Variants in INTS1 observed in about 807,000 individuals in gnomAD.
INTS1 encodes integrator complex subunit 1.
INTS1 carries 137 observed loss-of-function variants against 241.6 expected under a neutral mutation model. The ratio of observed to expected loss-of-function variants is 0.57; its 90% confidence interval spans 0.49 to 0.65. The LOEUF is 0.65. Ranked by LOEUF, INTS1 falls within the 30% of genes least tolerant of loss-of-function variation. The pLI is 0.00. For missense variants in INTS1, 3,073 were observed against 3,032.2 expected, an observed-to-expected ratio of 1.01 and a Z score of -0.32; for synonymous variants, 1,692 against 1,337.8, an observed-to-expected ratio of 1.26 and a Z score of -5.78.
chr7:1,487,558 G>C, intron 19 of INTS1, 109 bp from the exon 20 acceptor site: 1 of 1,416,582 alleles, frequency 7.1e-7, no homozygotes, highest in South Asian at 1.4e-5. Flanking sequence ...CCCGAGACGG[G>C]CAACCCATCC....
At position 1,502,973 on chromosome 7, in the gene INTS1, C is replaced by T. The variant is rs1271580033; in HGVS notation, c.277G>A (p.Ala93Thr). Reference protein sequence around the residue: ...TPPLSALGRLAEAAVAEKRAI... With the variant: ...TPPLSALGRLTEAAVAEKRAI... ...CGTTTTTCTGCCACTGCAGCCTCAGCCAGGCGCCCCAGGGCACTCAGAGGG... is the reference window on the plus strand; with the variant it reads ...CGTTTTTCTGCCACTGCAGCCTCAGTCAGGCGCCCCAGGGCACTCAGAGGG... The change falls in exon 3 of 48, where the codon GCT (alanine) becomes ACT (threonine). Residue 93 changes from alanine to threonine, a missense_variant. Transcript: ENST00000404767. 1 of 1,613,778 alleles carries T rather than the reference C, an allele frequency of 6.2e-7. No homozygotes were observed.
At chr7:1,478,574 A>G in intron 32 of INTS1, 68 bp from the exon 33 acceptor site, 5 of 1,558,504 alleles carry the variant, frequency 3.2e-6, no homozygotes, top group Non-Finnish European at 4.4e-6. Context: ...CCATCCAGGG[A>G]GGCCCCACGG....
rs60791229 is a variant in INTS1, at chr7:1,471,648, CAG to C, written c.6185-9_6185-8del. The C allele has an allele frequency of 1.2e-6, 2 of 1,612,104 alleles. No individual in the cohort carries two copies. Among genetic ancestry groups the C allele is most frequent in the East Asian group, 2.2e-5 (1 of 44,868 alleles). On this transcript the variant is annotated splice_region_variant and splice_polypyrimidine_tract_variant and intron_variant, in intron 44 of 47. Coordinates refer to ENST00000404767, the MANE Select transcript of INTS1 (RefSeq NM_001080453.3). ...CTCAGAACCTCCAGCAGATCTGACA[CAG>C]AGAGAGGGCCAGACCAGAACTGAAG...
intron 14 of INTS1, among the ~76,000 whole-genome samples, chr7:1,494,256 C>T (rs547183198): frequency 2.0e-4 from 30 of 152,344 alleles, no homozygotes; most frequent in African/African-American, 7.2e-4. Context: ...GGCCAGGAGA[C>T]AGAGATAACC....
Position 1,493,939 on chromosome 7 carries a change from T to G in INTS1, c.1911-28A>C, listed in dbSNP as rs976603722. 1 of 1,543,976 alleles carries G rather than the reference T, an allele frequency of 6.5e-7. No homozygotes were observed. Among genetic ancestry groups the G allele is most frequent in the Non-Finnish European group, 8.8e-7 (1 of 1,142,256 alleles). ...GCGGGGTGGGGGAGGCATGACTCGG[T>G]GTGGGCTGCCCACACCTGCCAGACC... is the stretch of plus-strand genomic sequence containing the variant. On this transcript the variant is annotated intron_variant, in intron 14 of 47. Transcript: ENST00000404767. This position sits in a 1 kb window ranked among gnomAD's most constrained non-coding sequence, Gnocchi z 5.3.
Position 1,498,485 on chromosome 7 carries a change from G to A in INTS1, c.1352C>T (p.Ser451Phe). Residue 451 changes from serine to phenylalanine, a missense_variant, in exon 10 of 48, where the codon TCC becomes TTC. Physicochemically the swap from Ser to Phe is radical, Grantham distance 155. Transcript: ENST00000404767. ...CATGTTGTTCGGGTTCCGGGCGCTG[G>A]AGAGCTCATTGAAGATCACCAACTT... is the stretch of plus-strand genomic sequence containing the variant. ...TIKLVIFNEL[S>F]SARNPNNMQV... The A allele has an allele frequency of 1.2e-6, 2 of 1,613,954 alleles. No individual in the cohort carries two copies. Among genetic ancestry groups the A allele is most frequent in the Non-Finnish European group, 1.7e-6 (2 of 1,179,882 alleles).
intron 42 of INTS1, 102 bp downstream of exon 42, chr7:1,473,464 G>A (rs1303844308): frequency 7.2e-6 from 10 of 1,387,570 alleles, no homozygotes; most frequent in African/African-American, 7.1e-5. Flanking sequence ...GGCCTCAGGA[G>A]CAGCATATCT....
Position 1,479,506 on chromosome 7 carries a change from C to T in INTS1, c.4253G>A (p.Gly1418Asp), listed in dbSNP as rs1415588701. The T allele has an allele frequency of 5.1e-6, 8 of 1,571,240 alleles. No individual in the cohort carries two copies. Among genetic ancestry groups the T allele is most frequent in the Non-Finnish European group, 6.9e-6 (8 of 1,159,556 alleles). ...GTGCATGGACATCACCAGGGCACCGCCGTGTGGGGAGCTGAGCAGGGTGGC... is the reference window on the plus strand; with the variant it reads ...GTGCATGGACATCACCAGGGCACCGTCGTGTGGGGAGCTGAGCAGGGTGGC... ...ALATLLSSPH[G>D]GALVMSMHRS... Residue 1418 changes from glycine (G) to aspartate (D), a missense_variant, in exon 31 of 48, where the codon GGC becomes GAC. By Grantham distance (94) the Gly-to-Asp change is moderately conservative (BLOSUM62 -1). Transcript: ENST00000404767.
At chr7:1,480,195 T>C in intron 30 of INTS1, 122 bp downstream of exon 30, 2 of 1,151,680 alleles carry the variant, frequency 1.7e-6, no homozygotes, top group Non-Finnish European at 1.2e-6. Context: ...GCTGTGCGTG[T>C]GCAGCGTGCC....
In INTS1 at chr7:1,494,455, G is replaced by T. The variant is rs1782746281; in HGVS notation, c.1910+361C>A. The T allele has an allele frequency of 1.1e-5, 4 of 356,366 alleles. No individual in the cohort carries two copies. The East Asian group carries it at 2.5e-4, about 22-fold the overall frequency. 22.1% of individuals were successfully genotyped at this position (356,366 alleles called of 1,614,324 possible). ...GCTGTGAGGCCAGCCGGCTGGGGAA[G>T]GACAGTGTGCGGCTGTCTGGACAGA... On this transcript the variant is annotated intron_variant, in intron 14 of 47. Coordinates refer to ENST00000404767, the MANE Select transcript of INTS1 (RefSeq NM_001080453.3).
At chr7:1,485,607 G>A (rs919821728) in intron 22 of INTS1, 138 bp from the exon 23 acceptor site, 1 of 857,268 alleles carries the variant, frequency 1.2e-6, no homozygotes, top group African/African-American at 1.7e-5. Flanking sequence ...GAGGCCGCAG[G>A]TAAAAGGGAA....
At chr7:1,504,301 G>C (rs1368313518) in intron 1 of INTS1, 22 bp downstream of exon 1, 1 of 543,730 alleles carries the variant, frequency 1.8e-6, no homozygotes, top group East Asian at 4.9e-5. Flanking sequence ...ATGAGGAAGC[G>C]CCCAGGCCGC....
At chr7:1,472,000 C>G (rs936714797) in intron 44 of INTS1, among the ~76,000 whole-genome samples, 2 of 152,216 alleles carry the variant, frequency 1.3e-5, no homozygotes, top group East Asian at 3.9e-4. Flanking sequence ...ACCCGCCTGA[C>G]CTCTTCCTGC....
In INTS1 at chr7:1,476,772, T is replaced by G. The variant is rs200367907; in HGVS notation, c.5063+22A>C. 22 of 1,612,508 alleles carry G rather than the reference T, an allele frequency of 1.4e-5. No individual in the cohort carries two copies. In the Admixed American group the frequency reaches 3.3e-4, roughly 24 times the overall value. ...AAGGCCAGTATGCGCGCAGCCCAGG[T>G]TGGGGACAGGGAGGCGCCCACCTCT... On this transcript the variant is annotated intron_variant, in intron 36 of 47. Transcript: ENST00000404767.
At chr7:1,484,309 G>A in intron 24 of INTS1, 139 bp from the exon 25 acceptor site, 1 of 883,132 alleles carries the variant, frequency 1.1e-6, no homozygotes, top group Non-Finnish European at 1.7e-6. Context: ...CTCAGCCGCA[G>A]GCCGCCAGGG....
chr7:1,479,324 G>A (rs1781881566), intron 31 of INTS1, 106 bp downstream of exon 31: 2 of 1,313,738 alleles, frequency 1.5e-6, no homozygotes, highest in Non-Finnish European at 2.0e-6. Flanking sequence ...CTTGGAAACT[G>A]AGACCCAAGA....
intron 29 of INTS1, 77 bp downstream of exon 29, chr7:1,480,758 C>G: frequency 1.6e-6 from 2 of 1,218,494 alleles, no homozygotes; most frequent in East Asian, 5.1e-5. Context: ...CCGTCCCCCT[C>G]CCCAGGCTGG....
chr7:1,491,995 C>T (rs966958029), intron 16 of INTS1, among the ~76,000 whole-genome samples: 2 of 152,182 alleles, frequency 1.3e-5, no homozygotes, highest in Non-Finnish European at 2.9e-5. Flanking sequence ...GCCATGAGTG[C>T]GGGTGAGGAT....
intron 26 of INTS1, 39 bp from the exon 27 acceptor site, chr7:1,482,746 C>G (rs766899083): frequency 3.7e-6 from 6 of 1,602,108 alleles, no homozygotes; most frequent in Non-Finnish European, 5.1e-6. Context: ...TTCAGACCCA[C>G]CGGGGCCCAG....
Sources: allele counts gnomAD v4.1 joint callset (sites outside exome capture counted in the v4.1 genomes callset), GRCh38; gene constraint gnomAD v4.1.1; non-coding constraint Gnocchi (gnomAD v3.1); transcripts MANE v1.5; gene names NCBI Gene and HGNC (gene_info 2026-07-23, HGNC 2026-07-21).